The following UBE2H variants were observed in gnomAD, a reference collection of about 807,000 sequenced individuals.
UBE2H encodes the protein ubiquitin-conjugating enzyme E2 H.
A neutral mutation model predicts 29.0 loss-of-function variants in UBE2H; 3 were observed. The observed-to-expected ratio is 0.10, with a 90% CI of 0.05 to 0.27. The LOEUF is 0.27. UBE2H is among the 10% of genes least tolerant of loss of function. UBE2H has a pLI of 1.00. For synonymous variants in UBE2H, 69 were observed against 82.9 expected (o/e 0.83, Z 0.91); for missense variants, 68 against 228.2 (o/e 0.30, Z 4.52).
chr7:129,855,381 C>A (rs549993653), intron 5 of UBE2H, among the ~76,000 whole-genome samples: 2 of 152,268 alleles, frequency 1.3e-5, no homozygotes, highest in East Asian at 1.9e-4. Flanking sequence ...GAAAACACAT[C>A]ATTACATCAG....
At chr7:129,929,271 C>T (rs1252342957) in intron 1 of UBE2H, among the ~76,000 whole-genome samples, 4 of 149,420 alleles carry the variant, frequency 2.7e-5, no homozygotes, top group East Asian at 2.0e-4. Flanking sequence ...GAGCCAAGAT[C>T]GTGCCATTGC....
chr7:129,885,759 G>A (rs527873555), intron 1 of UBE2H, among the ~76,000 whole-genome samples: 1 of 152,260 alleles, frequency 6.6e-6, no homozygotes, highest in East Asian at 1.9e-4. Flanking sequence ...TGCTGCCTTG[G>A]AATGGACAGG....
chr7:129,946,705 G>A (rs958418244), intron 1 of UBE2H, among the ~76,000 whole-genome samples: 7 of 152,164 alleles, frequency 4.6e-5, no homozygotes, highest in African/African-American at 7.2e-5. Context: ...GAGTGCAGTG[G>A]TGCAATCTCA....
rs1806779576 is a variant in UBE2H at position 129,904,601 on chromosome 7, A to G, written c.54-23630T>C. Among the ~76,000 whole-genome samples, 2 of 152,196 alleles carry G rather than the reference A, an allele frequency of 1.3e-5. 1 individual carries two copies. The stretch of plus-strand genomic sequence containing the variant: ...CACCTCGAACGAAATTCGACTTCCA[A>G]GAGGGCAAGAACCTTATTTGCCTTT... On this transcript the variant is annotated intron_variant, in intron 1 of 6. Coordinates refer to ENST00000355621, the MANE Select transcript of UBE2H (RefSeq NM_003344.4).
intron 4 of UBE2H, among the ~76,000 whole-genome samples, 183 bp downstream of exon 4, chr7:129,858,719 C>G (rs1805750167): frequency 2.0e-5 from 3 of 152,124 alleles, no homozygotes; most frequent in Admixed American, 6.5e-5. Flanking sequence ...GGTACAACAG[C>G]AGAATGTGAA....
intron 6 of UBE2H, among the ~76,000 whole-genome samples, chr7:129,836,708 C>T (rs1244345479): frequency 6.6e-6 from 1 of 151,752 alleles, no homozygotes; most frequent in Admixed American, 6.6e-5. Context: ...GGTGAAACCC[C>T]ATCTCTACAA....
intron 1 of UBE2H, among the ~76,000 whole-genome samples, chr7:129,903,321 A>G (rs1164480184): frequency 6.6e-6 from 1 of 152,206 alleles, no homozygotes; most frequent in Non-Finnish European, 1.5e-5. Flanking sequence ...GAATGCAACG[A>G]CGGTTAATAA....
chr7:129,933,249 A>G (rs1807445619), intron 1 of UBE2H, among the ~76,000 whole-genome samples: 1 of 152,200 alleles, frequency 6.6e-6, no homozygotes, highest in Admixed American at 6.5e-5. Context: ...AAAAATAAAC[A>G]CAACATAAAG....
At chr7:129,894,828 G>T (rs2116407280) in intron 1 of UBE2H, among the ~76,000 whole-genome samples, 1 of 151,714 alleles carries the variant, frequency 6.6e-6, no homozygotes, top group Admixed American at 6.6e-5. Context: ...TTTTCTCAAA[G>T]TACATCCTAC....
intron 1 of UBE2H, among the ~76,000 whole-genome samples, chr7:129,923,080 T>C (rs1584788490): frequency 6.6e-6 from 1 of 151,984 alleles, no homozygotes; most frequent in African/African-American, 2.4e-5. Flanking sequence ...TTTTGTATTT[T>C]TAGTAGAGAC....
intron 1 of UBE2H, among the ~76,000 whole-genome samples, chr7:129,905,466 T>C (rs1403055574): frequency 6.6e-6 from 1 of 152,192 alleles, no homozygotes; most frequent in Non-Finnish European, 1.5e-5. Flanking sequence ...TAAAATTATA[T>C]GCTGGTTTTC....
chr7:129,859,808 T>C (rs1805767076), intron 3 of UBE2H, among the ~76,000 whole-genome samples: 1 of 152,206 alleles, frequency 6.6e-6, no homozygotes. Context: ...ACTTTCAATA[T>C]CTGAAGTTCC....
chr7:129,940,995 C>T, intron 1 of UBE2H, among the ~76,000 whole-genome samples: 1 of 152,218 alleles, frequency 6.6e-6, no homozygotes, highest in South Asian at 2.1e-4. Flanking sequence ...CAGTCTGTTG[C>T]CCAGGCTGTA....
chr7:129,939,898 G>A (rs1370384230), intron 1 of UBE2H, among the ~76,000 whole-genome samples: 2 of 151,918 alleles, frequency 1.3e-5, no homozygotes, highest in Non-Finnish European at 2.9e-5. Context: ...GGCGGAGATT[G>A]CAGTGAGCCG....
chr7:129,867,032 C>T (rs995791740), intron 3 of UBE2H, among the ~76,000 whole-genome samples: 1 of 152,146 alleles, frequency 6.6e-6, no homozygotes, highest in Non-Finnish European at 1.5e-5. Flanking sequence ...TTAATATTTA[C>T]CCTATGTGTC....
intron 1 of UBE2H, among the ~76,000 whole-genome samples, chr7:129,941,302 T>C (rs1807637260): frequency 6.6e-6 from 1 of 151,902 alleles, no homozygotes; most frequent in Non-Finnish European, 1.5e-5. Flanking sequence ...GGCTAATTTT[T>C]TGTATTTTAG....
chr7:129,842,389 C>T (rs1805443962), intron 5 of UBE2H, among the ~76,000 whole-genome samples: 1 of 151,992 alleles, frequency 6.6e-6, no homozygotes, highest in Non-Finnish European at 1.5e-5. Context: ...CAAGATTGCA[C>T]CACAGTACTC....
chr7:129,867,114 C>T (rs1333271110), intron 3 of UBE2H, among the ~76,000 whole-genome samples: 5 of 150,712 alleles, frequency 3.3e-5, no homozygotes, highest in African/African-American at 1.2e-4. Context: ...TCCCATAACT[C>T]TGTCACACTA....
intron 1 of UBE2H, among the ~76,000 whole-genome samples, chr7:129,891,452 T>C (rs1806486223): frequency 6.6e-6 from 1 of 152,146 alleles, no homozygotes; most frequent in African/African-American, 2.4e-5. Context: ...TGAAATACTG[T>C]ATATCCAAAG....
Sources: allele counts gnomAD v4.1 joint callset (sites outside exome capture counted in the v4.1 genomes callset), GRCh38; gene constraint gnomAD v4.1.1; transcripts MANE v1.5; gene names NCBI Gene and HGNC (gene_info 2026-07-23, HGNC 2026-07-21).